TGS1: variants seen among roughly 807,000 people sequenced by gnomAD.
TGS1 encodes the protein trimethylguanosine synthase 1.
In TGS1, 69 loss-of-function variants were observed where a neutral mutation model predicts 92.2. The ratio of observed to expected loss-of-function variants is 0.75; its 90% CI spans 0.62 to 0.91. The LOEUF (loss-of-function observed/expected upper bound fraction) is 0.91, where lower values mean the gene tolerates loss of function less well. Ranked by LOEUF, TGS1 falls within the 40% of genes least tolerant of loss-of-function variation. The probability of loss-of-function intolerance (pLI) is 0.00; values close to 1 mark genes in which losing one functional copy is unlikely to be tolerated. For missense variants in TGS1, 1,062 were observed against 1,001.2 expected, an observed-to-expected ratio of 1.06 and a Z score of -0.82; for synonymous variants, 345 against 338.1, an observed-to-expected ratio of 1.02 and a Z score of -0.22.
rs112248492 is a variant in TGS1 at position 55,791,930 on chromosome 8, A to C, written c.1281-768A>C. On this transcript the variant is annotated intron_variant, in intron 5 of 12. Coordinates refer to ENST00000260129, the MANE Select transcript of TGS1 (RefSeq NM_024831.8). Reference sequence around the variant, plus strand: ...GTTACTGAACTTGGAAGTTAGCTGGACACTTCATTTCTTTGACTGGATATG... The same window carrying C: ...GTTACTGAACTTGGAAGTTAGCTGGCCACTTCATTTCTTTGACTGGATATG... Among the ~76,000 whole-genome samples the C allele has an allele frequency of 5.9e-3, 903 of 152,274 alleles. 4 individuals are homozygous for C. Among genetic ancestry groups the C allele is most frequent in the African/African-American group, 0.02 (833 of 41,562 alleles).
chr8:55,813,342 G>A (rs1165868541), intron 12 of TGS1, among the ~76,000 whole-genome samples: 1 of 152,160 alleles, frequency 6.6e-6, no homozygotes, highest in African/African-American at 2.4e-5. Context: ...AGCACTCTAG[G>A]CTTTGACTAG....
chr8:55,779,017 T>C (rs1032719102), intron 1 of TGS1, among the ~76,000 whole-genome samples: 5 of 152,180 alleles, frequency 3.3e-5, no homozygotes, highest in African/African-American at 9.7e-5. Context: ...GGTTGGGTCT[T>C]CTGCTTTACA....
intron 10 of TGS1, among the ~76,000 whole-genome samples, chr8:55,809,306 T>G (rs553681762): frequency 6.6e-6 from 1 of 152,332 alleles, no homozygotes; most frequent in African/African-American, 2.4e-5. Flanking sequence ...TCCAGTAGTT[T>G]AGCAACAGTA....
intron 12 of TGS1, among the ~76,000 whole-genome samples, chr8:55,814,329 A>G (rs1803414875): frequency 1.3e-5 from 2 of 152,160 alleles, no homozygotes; most frequent in South Asian, 4.1e-4. Context: ...CCGAAAGTTA[A>G]TTTTTAAACT....
At chr8:55,808,513 T>C (rs957750187) in intron 10 of TGS1, among the ~76,000 whole-genome samples, 3 of 5,480 alleles carry the variant, frequency 5.5e-4, no homozygotes, top group African/African-American at 5.0e-3. Flanking sequence ...CTTTTTTTCT[T>C]TTTTTTTTTT....
At chr8:55,785,299 G>A (rs540895564) in intron 2 of TGS1, among the ~76,000 whole-genome samples, 2 of 151,950 alleles carry the variant, frequency 1.3e-5, no homozygotes, top group African/African-American at 2.4e-5. Flanking sequence ...CAAGTGATCC[G>A]CCTGCCTCAG....
rs1811423180 is a variant in TGS1 at position 55,777,151 on chromosome 8, C to G, written c.101+3432C>G. 2.0e-5 allele frequency among the ~76,000 whole-genome samples: 3 copies of G among 151,888 alleles called. No individual in the cohort carries two copies. In the South Asian group the frequency reaches 6.2e-4, roughly 32 times the overall value. On this transcript the variant is annotated intron_variant, in intron 1 of 12. Transcript: ENST00000260129. Reference sequence around the variant, plus strand: ...GCCTCCTGAATAGCTGGGACCACAGCTATGCACCACCATACCTGCCTGATT... The same window carrying G: ...GCCTCCTGAATAGCTGGGACCACAGGTATGCACCACCATACCTGCCTGATT...
At position 55,787,743 on chromosome 8, in the gene TGS1, TTAAAG is replaced by T. The variant is rs1811759338; in HGVS notation, c.1162+684_1162+688del. Among the ~76,000 whole-genome samples, 3 of 152,334 alleles carry T rather than the reference TTAAAG, an allele frequency of 2.0e-5. No individual in the cohort carries two copies. In the South Asian group the frequency reaches 6.2e-4, roughly 32 times the overall value. On this transcript the variant is annotated intron_variant, in intron 4 of 12. Transcript: ENST00000260129. ...AGGAATACCTGAGACTGAGGAATGT[TTAAAG>T]AAAAGAGGTTTATTTTGGCTCACAG...
chr8:55,799,320 A>T (rs1585775104), intron 8 of TGS1, 100 bp downstream of exon 8: 1 of 1,120,588 alleles, frequency 8.9e-7, no homozygotes, highest in Non-Finnish European at 1.2e-6. Flanking sequence ...TCTGTACCTA[A>T]GGAGTCACTG....
chr8:55,779,712 C>T (rs575231064), intron 1 of TGS1, among the ~76,000 whole-genome samples: 5 of 152,150 alleles, frequency 3.3e-5, no homozygotes, highest in African/African-American at 1.2e-4. Flanking sequence ...GAAGATTTCT[C>T]AACTCACACC....
intron 8 of TGS1, among the ~76,000 whole-genome samples, chr8:55,801,582 C>CCTTTTTTTTTTTTTTTTTTTTTTTT (rs1214681045): frequency 6.2e-5 from 3 of 48,198 alleles, no homozygotes; most frequent in Admixed American, 3.5e-4. Flanking sequence ...CCCCATCGTT[C>CCTTTTTTTTTTTTTTTTTTTTTTTT]TTTTTTTTTT....
At chr8:55,779,855 C>T (rs370080525) in intron 1 of TGS1, among the ~76,000 whole-genome samples, 15 of 151,362 alleles carry the variant, frequency 9.9e-5, no homozygotes, top group African/African-American at 3.4e-4. Flanking sequence ...CAAATAATTT[C>T]ATATGTATTC....
chr8:55,797,602 A>G (rs936212606), intron 7 of TGS1, among the ~76,000 whole-genome samples: 3 of 152,204 alleles, frequency 2.0e-5, no homozygotes, highest in African/African-American at 7.2e-5. Flanking sequence ...ATTACCTGAA[A>G]TATTCATATA....
intron 7 of TGS1, 49 bp from the exon 8 acceptor site, chr8:55,798,865 G>A (rs1812131092): frequency 2.1e-6 from 3 of 1,420,728 alleles, no homozygotes; most frequent in African/African-American, 1.4e-5. Flanking sequence ...GGAAGATTCT[G>A]TGTAGTTTGG....
intron 12 of TGS1, among the ~76,000 whole-genome samples, chr8:55,822,303 C>G (rs867634872): frequency 6.6e-6 from 1 of 152,060 alleles, no homozygotes; most frequent in Admixed American, 6.6e-5. Flanking sequence ...ATCTCCTGAC[C>G]TCGTGATCCA....
intron 10 of TGS1, among the ~76,000 whole-genome samples, chr8:55,805,922 C>T (rs550774843): frequency 2.0e-5 from 3 of 149,068 alleles, no homozygotes; most frequent in Admixed American, 1.4e-4. Context: ...ATTAGCCAGG[C>T]GTGGTGGTGT....
chr8:55,822,905 T>C (rs1416982646), intron 12 of TGS1, among the ~76,000 whole-genome samples: 1 of 152,200 alleles, frequency 6.6e-6, no homozygotes, highest in African/African-American at 2.4e-5. Context: ...GATTACATTC[T>C]CTCAACCCTT....
intron 6 of TGS1, among the ~76,000 whole-genome samples, chr8:55,793,774 ATTTT>A (rs969491472): frequency 7.4e-6 from 1 of 134,748 alleles, no homozygotes; most frequent in African/African-American, 3.0e-5. Flanking sequence ...TTATTTATTT[ATTTT>A]TTAATTTTTT....
At chr8:55,792,175 C>G (rs1416739140) in intron 5 of TGS1, among the ~76,000 whole-genome samples, 1 of 152,158 alleles carries the variant, frequency 6.6e-6, no homozygotes, top group African/African-American at 2.4e-5. Flanking sequence ...GGAATTACGG[C>G]CAGGGATGGT....
Sources: gnomAD v4.1 joint callset for allele counts (sites outside exome capture counted in the v4.1 genomes callset) on GRCh38, gnomAD v4.1.1 for gene constraint, MANE v1.5 for transcripts, NCBI Gene and HGNC (gene_info 2026-07-23, HGNC 2026-07-21) for gene names.